The following ZNF875 variants were observed in gnomAD, a reference collection of about 807,000 sequenced individuals.
ZNF875 encodes zinc finger protein 875.
Under a neutral mutation model 11.2 loss-of-function variants are expected in ZNF875, and 14 were observed. The ratio of observed to expected loss-of-function variants is 1.26; its 90% CI spans 0.83 to 1.96. ZNF875 has a LOEUF of 1.96. ZNF875 is among the 30% of genes most tolerant of loss of function. ZNF875 has a pLI of 0.00. For synonymous variants in ZNF875, 301 were observed against 281.1 expected (o/e 1.07, Z -0.71); for missense variants, 752 against 760.4 (o/e 0.99, Z 0.13).
intron 2 of ZNF875, chr19:37,337,210 C>T (rs1005921746): frequency 2.0e-5 from 3 of 152,166 alleles, no homozygotes; most frequent in Admixed American, 2.0e-4. Flanking sequence ...AGGTTGAAAC[C>T]ATTGACTACC....
intron 2 of ZNF875, 83 bp downstream of exon 2, chr19:37,335,340 G>A: frequency 1.6e-6 from 1 of 634,326 alleles, no homozygotes. Flanking sequence ...TGCCTTGTTG[G>A]TATTGGGCAA....
chr19:37,363,901 C>G lies in ZNF875; in HGVS notation c.*126C>G, dbSNP rs2146775966. The G allele has an allele frequency of 2.8e-6, 2 of 725,790 alleles. No individual in the cohort carries two copies. The highest frequency in any genetic ancestry group is 4.7e-6 in the Non-Finnish European group (2 of 426,086). The allele number at this position is 725,790 out of a possible 1,614,324, so 45.0% of individuals were successfully genotyped here. A position where few individuals can be genotyped will look rare whatever the true frequency, so the allele number is the denominator to read the frequency against. ...TGCTAGATACCAAAGTGGAGACATT[C>G]TGTGTGTGATTATGCATGAGACTGT... On this transcript the variant is annotated 3_prime_UTR_variant, in exon 5 of 5. Coordinates refer to ENST00000392153, the MANE Select transcript of ZNF875 (RefSeq NM_001353803.2).
intron 2 of ZNF875, among the ~76,000 whole-genome samples, chr19:37,338,556 G>A (rs559085352): frequency 3.9e-5 from 6 of 152,122 alleles, no homozygotes; most frequent in Admixed American, 2.0e-4. Flanking sequence ...AGGTCTACCC[G>A]GAACTGCCTC....
chr19:37,337,034 A>G (rs548389401), intron 2 of ZNF875, among the ~76,000 whole-genome samples: 2 of 152,328 alleles, frequency 1.3e-5, no homozygotes, highest in East Asian at 3.9e-4. Context: ...GCTTCTGGCA[A>G]TTGGGACATT....
intron 2 of ZNF875, among the ~76,000 whole-genome samples, chr19:37,343,949 G>A (rs2036276313): frequency 6.6e-6 from 1 of 152,134 alleles, no homozygotes; most frequent in Non-Finnish European, 1.5e-5. Flanking sequence ...GCACTTTGGG[G>A]TTGGTCCTTC....
chr19:37,358,861 A>C (rs995831729), intron 4 of ZNF875, among the ~76,000 whole-genome samples: 2 of 151,600 alleles, frequency 1.3e-5, no homozygotes, highest in Non-Finnish European at 2.9e-5. Context: ...TATAATTTAC[A>C]TGCCATAAAA....
At chr19:37,347,585 A>G (rs374994202) in intron 3 of ZNF875, 192 bp from the exon 4 acceptor site, 66 of 610,576 alleles carry the variant, frequency 1.1e-4, no homozygotes, top group East Asian at 9.4e-4. Flanking sequence ...TTTTTCATAC[A>G]CCAAGTGTTC....
chr19:37,324,702 C>T (rs1290042075), intron 4 of ZNF875: 5 of 152,460 alleles, frequency 3.3e-5, no homozygotes, highest in East Asian at 1.9e-4. Context: ...TAATTCCAAA[C>T]GTTTTGGTTG....
intron 2 of ZNF875, among the ~76,000 whole-genome samples, chr19:37,343,452 C>T (rs770283116): frequency 3.3e-5 from 5 of 152,068 alleles, no homozygotes; most frequent in East Asian, 1.9e-4. Flanking sequence ...CAAGTAGGCC[C>T]GGCATGGCTG....
At chr19:37,314,771 A>T (rs1214208153), upstream of ZNF875, 1 of 151,716 alleles carries the variant, frequency 6.6e-6, no homozygotes, top group Non-Finnish European at 1.5e-5. Flanking sequence ...AAAAAAAAGA[A>T]GAAGAAGTAG....
At chr19:37,326,409 T>C (rs1161543588) in intron 4 of ZNF875, among the ~76,000 whole-genome samples, 2 of 152,196 alleles carry the variant, frequency 1.3e-5, no homozygotes, top group Non-Finnish European at 2.9e-5. Context: ...TCCTTTAATA[T>C]GGAGAATTAT....
chr19:37,329,899 C>T (rs2033116570), upstream of ZNF875, among the ~76,000 whole-genome samples: 1 of 152,120 alleles, frequency 6.6e-6, no homozygotes, highest in South Asian at 2.1e-4. Flanking sequence ...AGGTGATAAA[C>T]CAGGTTGTGT....
intron 2 of ZNF875, among the ~76,000 whole-genome samples, chr19:37,342,933 ATGCTTTCC>A: frequency 6.6e-6 from 1 of 152,128 alleles, no homozygotes; most frequent in South Asian, 2.1e-4. Flanking sequence ...GTTTTCCTGG[ATGCTTTCC>A]AAGCCTCTGC....
chr19:37,362,063 C>T (rs370252285), intron 4 of ZNF875, 46 bp from the exon 5 acceptor site: 1 of 1,397,460 alleles, frequency 7.2e-7, no homozygotes, highest in African/African-American at 1.4e-5. Flanking sequence ...AAATTGCCTA[C>T]ACAGCCCTAC....
chr19:37,328,207 C>T (rs911218689), intron 4 of ZNF875, among the ~76,000 whole-genome samples: 1 of 152,022 alleles, frequency 6.6e-6, no homozygotes, highest in African/African-American at 2.4e-5. Context: ...CCATTGCACT[C>T]CAGCCTGGTT....
At chr19:37,315,685 C>CGATTACAT (rs994428706), upstream of ZNF875, 1 of 152,006 alleles carries the variant, frequency 6.6e-6, no homozygotes, top group Non-Finnish European at 1.5e-5. Flanking sequence ...TTTCTGCAAC[C>CGATTACAT]GATTACATGG....
At chr19:37,321,993 A>C (rs1430204816) in intron 1 of ZNF875, among the ~76,000 whole-genome samples, 1 of 152,226 alleles carries the variant, frequency 6.6e-6, no homozygotes, top group African/African-American at 2.4e-5. Context: ...AGGAGGGGTC[A>C]AAGACTCTCC....
upstream of ZNF875, chr19:37,314,739 A>C (rs1214609854): frequency 6.9e-6 from 1 of 144,958 alleles, no homozygotes; most frequent in Non-Finnish European, 1.5e-5. Context: ...CAACAGAGGG[A>C]GACTCTGTCT....
chr19:37,363,499 G>GT lies in ZNF875; in HGVS notation c.1650dup (p.Arg551Ter), dbSNP rs1284293296. The GT allele has an allele frequency of 1.2e-6, 2 of 1,613,060 alleles. No individual in the cohort carries two copies. Among genetic ancestry groups the GT allele is most frequent in the Admixed American group, 1.7e-5 (1 of 59,928 alleles). ...GAAGGTTTCGGCAGAAGCCTAACCT[G>GT]TTTAGGCACAAGAGGGCACACTCAG... On this transcript the variant is annotated frameshift_variant, in exon 5 of 5. Coordinates refer to ENST00000392153, the MANE Select transcript of ZNF875 (RefSeq NM_001353803.2). LOFTEE classifies it low-confidence loss of function (END_TRUNC).
Sources: gnomAD v4.1 joint callset for allele counts (sites outside exome capture counted in the v4.1 genomes callset) on GRCh38, gnomAD v4.1.1 for gene constraint, MANE v1.5 for transcripts, NCBI Gene and HGNC (gene_info 2026-07-23, HGNC 2026-07-21) for gene names.